RBFOX2: variants seen among roughly 807,000 people sequenced by gnomAD.
The protein encoded by RBFOX2 is RNA binding fox-1 homolog 2.
Under a neutral mutation model 49.1 loss-of-function variants are expected in RBFOX2, and 10 were observed. That is an observed-to-expected ratio of 0.20 (90% CI 0.13 to 0.35). The LOEUF (loss-of-function observed/expected upper bound fraction) is 0.35, where lower values mean the gene tolerates loss of function less well. Ranked by LOEUF, RBFOX2 falls within the 10% of genes least tolerant of loss-of-function variation. The pLI, the probability that RBFOX2 is intolerant of heterozygous loss-of-function variation, is 1.00. For missense variants in RBFOX2, 323 were observed against 486.9 expected (o/e 0.66, Z 3.17); for synonymous variants, 183 against 187.4 (o/e 0.98, Z 0.19).
chr22:35,939,318 C>T (rs2053457134), upstream of RBFOX2: 1 of 444,752 alleles, frequency 2.2e-6, no homozygotes, highest in Non-Finnish European at 4.5e-6. Flanking sequence ...TCCAAATGTC[C>T]CCTGGATGGA....
intron 2 of RBFOX2, among the ~76,000 whole-genome samples, chr22:35,796,614 C>T (rs1055856092): frequency 6.6e-6 from 1 of 152,158 alleles, no homozygotes; most frequent in Non-Finnish European, 1.5e-5. Context: ...AATCTGAAAC[C>T]TTATCAGTGA....
At chr22:36,003,378 G>C (rs539665841) in intron 1 of RBFOX2, among the ~76,000 whole-genome samples, 49 of 152,114 alleles carry the variant, frequency 3.2e-4, no homozygotes, top group Non-Finnish European at 6.2e-4. Context: ...CCAAACACCT[G>C]GTCCCTATCT....
At chr22:36,018,101 C>T (rs927895871) in intron 1 of RBFOX2, among the ~76,000 whole-genome samples, 1 of 152,154 alleles carries the variant, frequency 6.6e-6, no homozygotes, top group Non-Finnish European at 1.5e-5. Context: ...AGACAAAGTT[C>T]AATTTAACAA....
chr22:36,020,444 C>T (rs1185168141), intron 1 of RBFOX2, among the ~76,000 whole-genome samples: 2 of 152,258 alleles, frequency 1.3e-5, no homozygotes, highest in Admixed American at 1.3e-4. Context: ...AAGAAACCAC[C>T]ATCAGAGTGA....
At chr22:35,853,483 A>C (rs1026019127) in intron 1 of RBFOX2, among the ~76,000 whole-genome samples, 9 of 152,136 alleles carry the variant, frequency 5.9e-5, no homozygotes, top group African/African-American at 2.2e-4. Flanking sequence ...AAACTAAAAA[A>C]TTTATTGTGT....
At chr22:35,783,710 C>T (rs1212478357) in intron 2 of RBFOX2, among the ~76,000 whole-genome samples, 1 of 152,194 alleles carries the variant, frequency 6.6e-6, no homozygotes, top group Admixed American at 6.5e-5. Flanking sequence ...ATGAGAAAGC[C>T]AGGGCCCCCA....
At chr22:35,814,996 T>A (rs1246370915) in intron 1 of RBFOX2, among the ~76,000 whole-genome samples, 1 of 152,188 alleles carries the variant, frequency 6.6e-6, no homozygotes, top group East Asian at 1.9e-4. Flanking sequence ...AACCCGTGGC[T>A]ATGGACAGAC....
chr22:35,948,407 A>G (rs1352918254), intron 1 of RBFOX2, among the ~76,000 whole-genome samples: 3 of 152,346 alleles, frequency 2.0e-5, no homozygotes, highest in South Asian at 2.1e-4. Flanking sequence ...TAAATAATAA[A>G]TAAAATTCTG....
intron 1 of RBFOX2, among the ~76,000 whole-genome samples, chr22:35,862,244 A>G (rs1252646183): frequency 2.0e-5 from 3 of 152,170 alleles, no homozygotes; most frequent in Non-Finnish European, 4.4e-5. Context: ...CCAAAACCTA[A>G]CAAATTAATT....
intron 1 of RBFOX2, among the ~76,000 whole-genome samples, chr22:35,956,131 C>G (rs919571403): frequency 6.6e-6 from 1 of 152,094 alleles, no homozygotes; most frequent in Admixed American, 6.5e-5. Context: ...AATACAAGTT[C>G]ACTAAGTTAT....
At chr22:35,898,102 C>A in intron 1 of RBFOX2, 1 of 739,496 alleles carries the variant, frequency 1.4e-6, no homozygotes, top group Admixed American at 1.7e-5. Context: ...CAGAAGCTAG[C>A]CCAGGTCTCC....
chr22:35,792,225 G>C (rs548594124), intron 2 of RBFOX2, among the ~76,000 whole-genome samples: 5 of 149,994 alleles, frequency 3.3e-5, no homozygotes, highest in African/African-American at 7.4e-5. Context: ...GCTTTGGCAC[G>C]AGAATTGCTT....
chr22:35,902,838 G>A (rs1330337488), intron 1 of RBFOX2, among the ~76,000 whole-genome samples: 1 of 150,090 alleles, frequency 6.7e-6, no homozygotes, highest in African/African-American at 2.5e-5. Flanking sequence ...AAAATTTAGA[G>A]AAGGGGCGGG....
chr22:35,778,236 G>A (rs1043843611), intron 3 of RBFOX2, among the ~76,000 whole-genome samples, 158 bp from the exon 5 acceptor site: 2 of 152,158 alleles, frequency 1.3e-5, no homozygotes, highest in Non-Finnish European at 2.9e-5. Context: ...ACCAGTTTCT[G>A]ATTTTTCCTC....
chr22:35,810,908 T>G (rs1951747253), intron 1 of RBFOX2, among the ~76,000 whole-genome samples: 1 of 152,174 alleles, frequency 6.6e-6, no homozygotes, highest in Non-Finnish European at 1.5e-5. Context: ...ACAAATATAT[T>G]GTTTTTAATA....
intron 1 of RBFOX2, among the ~76,000 whole-genome samples, chr22:36,023,728 G>A (rs1397495765): frequency 6.6e-6 from 1 of 152,106 alleles, no homozygotes; most frequent in Non-Finnish European, 1.5e-5. Flanking sequence ...TTCCAGTTGA[G>A]TTTGTCACTT....
At chr22:35,823,607 C>T (rs1954996025) in intron 1 of RBFOX2, among the ~76,000 whole-genome samples, 1 of 152,148 alleles carries the variant, frequency 6.6e-6, no homozygotes, top group Admixed American at 6.5e-5. Flanking sequence ...AACAAGATTT[C>T]AACCATAAAT....
chr22:35,877,537 T>C (rs564179251), intron 1 of RBFOX2, among the ~76,000 whole-genome samples: 2 of 152,168 alleles, frequency 1.3e-5, no homozygotes, highest in Non-Finnish European at 2.9e-5. Context: ...GTAACAATCA[T>C]AACTAACATA....
chr22:35,902,215 T>A (rs748465499), intron 1 of RBFOX2, among the ~76,000 whole-genome samples: 1 of 152,326 alleles, frequency 6.6e-6, no homozygotes, highest in Middle Eastern at 3.4e-3. Flanking sequence ...ATTTTTGACG[T>A]CATGAAGTCC....
Sources: gnomAD v4.1 joint callset for allele counts (sites outside exome capture counted in the v4.1 genomes callset) on GRCh38, gnomAD v4.1.1 for gene constraint, MANE v1.5 for transcripts, NCBI Gene and HGNC (gene_info 2026-07-23, HGNC 2026-07-21) for gene names.